Variants in RTL4 observed in about 807,000 individuals in gnomAD.
The protein encoded by RTL4 is retrotransposon Gag-like protein 4.
Under a neutral mutation model 5.3 loss-of-function variants are expected in RTL4, and 4 were observed. The ratio of observed to expected loss-of-function variants is 0.75; its 90% CI spans 0.37 to 1.72. The LOEUF (loss-of-function observed/expected upper bound fraction) is 1.72. Among genes scored for constraint, RTL4 ranks in the 40% most tolerant of loss-of-function variants. The pLI is 0.04. For synonymous variants in RTL4, 98 were observed against 87.3 expected, an observed-to-expected ratio of 1.12 and a Z score of -0.68; for missense variants, 260 against 227.1, an observed-to-expected ratio of 1.14 and a Z score of -0.93.
At chrX:112,332,870 T>C in the RTL4 span, among the ~76,000 whole-genome samples, 1 of 111,234 alleles carries the variant, frequency 9.0e-6, no homozygotes, top group Non-Finnish European at 1.9e-5. Flanking sequence ...CTCCAACTAT[T>C]ATTGTTCTAT....
At chrX:112,258,354 G>A in the RTL4 span, among the ~76,000 whole-genome samples, 1 of 110,576 alleles carries the variant, frequency 9.0e-6, no homozygotes, top group Non-Finnish European at 1.9e-5. Context: ...GCGGTGGCGG[G>A]TGTTGATAAT....
chrX:112,328,921 C>T, the RTL4 span, among the ~76,000 whole-genome samples: 6 of 111,507 alleles, frequency 5.4e-5, no homozygotes, highest in Non-Finnish European at 1.1e-4. Flanking sequence ...GGGTACATAA[C>T]GAAATGAAGG....
the RTL4 span, among the ~76,000 whole-genome samples, chrX:112,327,706 A>G: frequency 9.1e-6 from 1 of 110,412 alleles, no homozygotes; most frequent in African/African-American, 3.3e-5. Flanking sequence ...CATAATTGTC[A>G]GATTCACCAA....
chrX:112,342,929 G>A, the RTL4 span, among the ~76,000 whole-genome samples: 4 of 111,276 alleles, frequency 3.6e-5, no homozygotes, highest in African/African-American at 6.5e-5. Flanking sequence ...GTGAAACCCC[G>A]TCTCTACTAA....
the RTL4 span, among the ~76,000 whole-genome samples, chrX:112,188,534 C>T: frequency 1.3e-4 from 14 of 111,410 alleles, no homozygotes; most frequent in African/African-American, 4.2e-4. Flanking sequence ...TTGGAGTTGC[C>T]CTCTACAATT....
chrX:112,292,501 GATA>G, the RTL4 span, among the ~76,000 whole-genome samples: 1 of 111,603 alleles, frequency 9.0e-6, no homozygotes, highest in Non-Finnish European at 1.9e-5. Context: ...CAGAACACCT[GATA>G]AGCAAAATTC....
the RTL4 span, among the ~76,000 whole-genome samples, chrX:112,178,205 A>T: frequency 9.0e-6 from 1 of 111,511 alleles, no homozygotes; most frequent in Non-Finnish European, 1.9e-5. Context: ...CCCCTTGCCT[A>T]TACCATACAG....
the RTL4 span, among the ~76,000 whole-genome samples, chrX:112,282,596 T>A: frequency 1.8e-5 from 2 of 111,959 alleles, no homozygotes; most frequent in African/African-American, 6.5e-5. Context: ...ACAGACATTT[T>A]AAAAATATTA....
chrX:112,337,395 T>C, the RTL4 span, among the ~76,000 whole-genome samples: 858 of 111,089 alleles, frequency 7.7e-3, 6 homozygotes, highest in Non-Finnish European at 0.013. Flanking sequence ...GCGATTCTCC[T>C]GTCTCAGCCT....
the RTL4 span, among the ~76,000 whole-genome samples, chrX:112,169,069 TTTTTTCTTTCTTTCTTTTC>T: frequency 1.1e-4 from 3 of 28,054 alleles, no homozygotes; most frequent in African/African-American, 2.7e-4. Flanking sequence ...TCTTTCTTTC[TTTTTTCTTTCTTTCTTTTC>T]TTTCTTTCTT....
chrX:112,262,193 G>T, the RTL4 span, among the ~76,000 whole-genome samples: 2 of 111,889 alleles, frequency 1.8e-5, no homozygotes, highest in African/African-American at 6.5e-5. Flanking sequence ...ATAGACAAAT[G>T]GGATCTAATT....
the RTL4 span, among the ~76,000 whole-genome samples, chrX:112,118,050 T>C: frequency 8.9e-6 from 1 of 112,055 alleles, no homozygotes; most frequent in Non-Finnish European, 1.9e-5. Context: ...TGGAAATATG[T>C]ACTTGACAGA....
At chrX:112,297,319 T>G in the RTL4 span, among the ~76,000 whole-genome samples, 1 of 110,504 alleles carries the variant, frequency 9.0e-6, no homozygotes, top group Admixed American at 9.7e-5. Context: ...AGAAAAGAGG[T>G]TTAACTGGCT....
the RTL4 span, among the ~76,000 whole-genome samples, chrX:112,176,234 C>G: frequency 2.7e-5 from 3 of 111,876 alleles, no homozygotes; most frequent in Admixed American, 9.5e-5. Context: ...AGGATACAAA[C>G]AAATGGAAGA....
chrX:112,435,433 G>A, the RTL4 span, among the ~76,000 whole-genome samples: 1 of 112,328 alleles, frequency 8.9e-6, no homozygotes, highest in Non-Finnish European at 1.9e-5. Flanking sequence ...GTTACTATTA[G>A]TATCTTCTTG....
At chrX:112,420,968 C>T in the RTL4 span, among the ~76,000 whole-genome samples, 3 of 111,553 alleles carry the variant, frequency 2.7e-5, no homozygotes, top group Non-Finnish European at 5.7e-5. Context: ...GTTAAAGTTC[C>T]ACCACTACTG....
the RTL4 span, among the ~76,000 whole-genome samples, chrX:112,085,908 T>C: frequency 8.9e-6 from 1 of 111,989 alleles, no homozygotes; most frequent in Non-Finnish European, 1.9e-5. Context: ...GAATTCATTG[T>C]TATCAACAAT....
the RTL4 span, among the ~76,000 whole-genome samples, chrX:112,268,315 T>C: frequency 8.9e-6 from 1 of 112,481 alleles, no homozygotes; most frequent in Non-Finnish European, 1.9e-5. Flanking sequence ...TCCACATGGC[T>C]TGTTCTCTCA....
chrX:112,415,599 G>C, the RTL4 span, among the ~76,000 whole-genome samples: 1 of 110,683 alleles, frequency 9.0e-6, no homozygotes, highest in Non-Finnish European at 1.9e-5. Flanking sequence ...GAAATTACTG[G>C]ATCGCAGGGT....
Sources: allele counts gnomAD v4.1 joint callset (sites outside exome capture counted in the v4.1 genomes callset), GRCh38; gene constraint gnomAD v4.1.1; transcripts MANE v1.5; gene names NCBI Gene and HGNC (gene_info 2026-07-23, HGNC 2026-07-21).